RNGTT: variants seen among roughly 807,000 people sequenced by gnomAD.
RNGTT encodes RNA guanylyltransferase and 5'-phosphatase.
Under a neutral mutation model 79.3 loss-of-function variants are expected in RNGTT, and 33 were observed. The observed-to-expected ratio is 0.42, with a 90% CI of 0.32 to 0.56. The LOEUF is 0.56. Among genes scored for constraint, RNGTT ranks in the 20% least tolerant of loss-of-function variants. The probability of loss-of-function intolerance (pLI) is 0.17; values close to 1 mark genes in which losing one functional copy is unlikely to be tolerated. For missense variants in RNGTT, 497 were observed against 739.1 expected (o/e 0.67, Z 3.80); for synonymous variants, 222 against 235.9 (o/e 0.94, Z 0.54).
chr6:88,782,860 C>G (rs556835428), intron 12 of RNGTT, among the ~76,000 whole-genome samples: 1 of 152,056 alleles, frequency 6.6e-6, no homozygotes, highest in South Asian at 2.1e-4. Context: ...TTCACATTTA[C>G]GAGGATGCCT....
At chr6:88,672,202 C>CAT (rs58845645) in intron 14 of RNGTT, among the ~76,000 whole-genome samples, 3,745 of 135,448 alleles carry the variant, frequency 0.028, 85 homozygotes, top group Non-Finnish European at 0.038. Context: ...AATGTATATA[C>CAT]ATATATATAT....
At chr6:88,849,314 G>A (rs933637405) in intron 10 of RNGTT, among the ~76,000 whole-genome samples, 2 of 151,962 alleles carry the variant, frequency 1.3e-5, no homozygotes, top group African/African-American at 4.8e-5. Flanking sequence ...AGAAAAAAAT[G>A]TCTTTTAATA....
chr6:88,754,525 C>T (rs1048952215), intron 13 of RNGTT, among the ~76,000 whole-genome samples: 2 of 152,078 alleles, frequency 1.3e-5, no homozygotes, highest in East Asian at 3.8e-4. Context: ...CAGATTTGAG[C>T]CCCAGTGAGC....
chr6:88,676,413 G>A (rs1774878050), intron 14 of RNGTT, among the ~76,000 whole-genome samples: 1 of 151,962 alleles, frequency 6.6e-6, no homozygotes, highest in Non-Finnish European at 1.5e-5. Flanking sequence ...ATCCATACTT[G>A]ACTCTTCTAT....
intron 1 of RNGTT, 141 bp from the exon 2 acceptor site, chr6:88,941,321 G>C (rs1256552175): frequency 6.9e-6 from 4 of 583,542 alleles, no homozygotes; most frequent in African/African-American, 1.9e-5. Context: ...AGGATAGAGT[G>C]CAGTGGTGCA....
chr6:88,805,856 A>G (rs1475181090), intron 11 of RNGTT, among the ~76,000 whole-genome samples: 1 of 152,206 alleles, frequency 6.6e-6, no homozygotes, highest in South Asian at 2.1e-4. Flanking sequence ...CTAAACGTGA[A>G]ACAGAAACAC....
chr6:88,758,954 G>A (rs1335962005), intron 13 of RNGTT, among the ~76,000 whole-genome samples: 1 of 152,132 alleles, frequency 6.6e-6, no homozygotes, highest in African/African-American at 2.4e-5. Flanking sequence ...ATGTATACAT[G>A]TGCCATGTTG....
At chr6:88,962,986 C>T (rs746719708) in intron 1 of RNGTT, among the ~76,000 whole-genome samples, 10 of 148,840 alleles carry the variant, frequency 6.7e-5, no homozygotes, top group Non-Finnish European at 1.5e-5. Flanking sequence ...TCCTCCATCT[C>T]AATACTGATA....
intron 13 of RNGTT, among the ~76,000 whole-genome samples, chr6:88,705,967 C>T (rs1201556200): frequency 6.7e-6 from 1 of 149,230 alleles, no homozygotes; most frequent in Non-Finnish European, 1.5e-5. Context: ...TTATTTGGGG[C>T]AGTAGGAAGA....
At chr6:88,930,412 G>C (rs1009919529) in intron 2 of RNGTT, among the ~76,000 whole-genome samples, 1 of 151,830 alleles carries the variant, frequency 6.6e-6, no homozygotes, top group East Asian at 1.9e-4. Context: ...GCTCACGCCT[G>C]TAATCTTGGC....
intron 12 of RNGTT, among the ~76,000 whole-genome samples, chr6:88,772,274 T>C (rs1178859392): frequency 6.6e-6 from 1 of 151,584 alleles, no homozygotes; most frequent in Non-Finnish European, 1.5e-5. Context: ...ACTGATTTCT[T>C]TAAAAAAAAA....
chr6:88,750,180 T>C (rs550016854), intron 13 of RNGTT, among the ~76,000 whole-genome samples: 2 of 152,248 alleles, frequency 1.3e-5, no homozygotes, highest in South Asian at 4.2e-4. Context: ...CATACCTTTC[T>C]GAGAGACACA....
intron 13 of RNGTT, among the ~76,000 whole-genome samples, chr6:88,750,337 C>T (rs1777800239): frequency 6.6e-6 from 1 of 152,098 alleles, no homozygotes; most frequent in Admixed American, 6.6e-5. Flanking sequence ...GAGGCTACCA[C>T]ATTAGTCCAG....
intron 14 of RNGTT, among the ~76,000 whole-genome samples, chr6:88,637,261 C>G (rs944241153): frequency 2.0e-5 from 3 of 152,010 alleles, no homozygotes; most frequent in Non-Finnish European, 4.4e-5. Flanking sequence ...GAAAACAGAA[C>G]TAAACTGAAG....
At position 88,663,227 on chromosome 6, in the gene RNGTT, T is replaced by C. The variant is rs150580264; in HGVS notation, c.1506+15126A>G. 8.2e-3 allele frequency among the ~76,000 whole-genome samples: 1,249 copies of C among 152,232 alleles called. 17 individuals carry two copies. Among genetic ancestry groups the C allele is most frequent in the African/African-American group, 0.028 (1,176 of 41,514 alleles). ...AGTAAGCCTACCCTGTTAGGAACTATGTTAAAGAATTTCAAGAAAGGATTC... is the reference window on the plus strand; with the variant it reads ...AGTAAGCCTACCCTGTTAGGAACTACGTTAAAGAATTTCAAGAAAGGATTC... On this transcript the variant is annotated intron_variant, in intron 14 of 15. Coordinates refer to ENST00000369485, the MANE Select transcript of RNGTT (RefSeq NM_003800.5).
intron 12 of RNGTT, among the ~76,000 whole-genome samples, chr6:88,775,672 G>A (rs1366618902): frequency 6.6e-6 from 1 of 152,120 alleles, no homozygotes; most frequent in Non-Finnish European, 1.5e-5. Flanking sequence ...TACCAACTGG[G>A]TTTGTTTCTC....
In RNGTT at chr6:88,940,227, C is replaced by T. The variant is rs575148413; in HGVS notation, c.174+844G>A. ...CGAGTATGCTGGAATTACAAGCACA[C>T]ACCACAATGCCTGGCTAATTTTTGT... On this transcript the variant is annotated intron_variant, in intron 2 of 15. Coordinates refer to ENST00000369485, the MANE Select transcript of RNGTT (RefSeq NM_003800.5). 5.9e-5 allele frequency among the ~76,000 whole-genome samples: 9 copies of T among 152,172 alleles called. No homozygotes were observed. The South Asian group carries it at 1.9e-3, about 32-fold the overall frequency.
intron 11 of RNGTT, among the ~76,000 whole-genome samples, chr6:88,815,935 A>T (rs934361838): frequency 3.9e-5 from 6 of 152,226 alleles, no homozygotes; most frequent in Non-Finnish European, 4.4e-5. Context: ...TACTTTCCAC[A>T]ATATAAAAAA....
chr6:88,730,013 A>G (rs1777054178), intron 13 of RNGTT, among the ~76,000 whole-genome samples: 1 of 152,130 alleles, frequency 6.6e-6, no homozygotes, highest in South Asian at 2.1e-4. Flanking sequence ...TAAAAATGGC[A>G]CTTACTAAAA....
Sources: gnomAD v4.1 joint callset for allele counts (sites outside exome capture counted in the v4.1 genomes callset) on GRCh38, gnomAD v4.1.1 for gene constraint, MANE v1.5 for transcripts, NCBI Gene and HGNC (gene_info 2026-07-23, HGNC 2026-07-21) for gene names.